The following ECHDC2 variants were observed in gnomAD, a reference collection of about 807,000 sequenced individuals.
The protein encoded by ECHDC2 is enoyl-CoA hydratase domain-containing protein 2, mitochondrial.
Under a neutral mutation model 40.6 loss-of-function variants are expected in ECHDC2, and 34 were observed. The observed-to-expected ratio is 0.84, with a 90% CI of 0.64 to 1.11. The LOEUF is 1.11. Among genes scored for constraint, ECHDC2 ranks in the 50% most tolerant of loss-of-function variants. The probability of loss-of-function intolerance (pLI) is 0.00; values close to 1 mark genes in which losing one functional copy is unlikely to be tolerated. For synonymous variants in ECHDC2, 162 were observed against 166.6 expected (o/e 0.97, Z 0.21); for missense variants, 392 against 400.7 (o/e 0.98, Z 0.19).
intron 5 of ECHDC2, 200 bp downstream of exon 5, chr1:52,906,319 C>G: frequency 1.5e-6 from 1 of 676,682 alleles, no homozygotes; most frequent in Non-Finnish European, 2.7e-6. Flanking sequence ...TGACAGGTCA[C>G]AGATACTACA....
chr1:52,909,540 A>G (rs1648870289), intron 3 of ECHDC2, among the ~76,000 whole-genome samples: 1 of 150,614 alleles, frequency 6.6e-6, no homozygotes, highest in Admixed American at 6.6e-5. Flanking sequence ...AAAAAAAAAA[A>G]CACCACACAA....
chr1:52,921,367 A>G (rs904867247), intron 1 of ECHDC2, 186 bp downstream of exon 1: 2 of 1,340,926 alleles, frequency 1.5e-6, no homozygotes, highest in Non-Finnish European at 1.9e-6. Flanking sequence ...GCCCCCAGCT[A>G]GAGTCTGGAG....
intron 7 of ECHDC2, chr1:52,900,478 T>C (rs1297538134): frequency 6.6e-6 from 1 of 152,248 alleles, no homozygotes; most frequent in East Asian, 1.9e-4. Flanking sequence ...ATATTTAAAT[T>C]TTGTTTTTAA....
rs1478630602 is a variant in ECHDC2, at chr1:52,896,265, A to G, written c.*255T>C. The G allele has an allele frequency of 1.2e-5, 6 of 491,988 alleles. No individual in the cohort carries two copies. Among genetic ancestry groups the G allele is most frequent in the Non-Finnish European group, 2.2e-5 (6 of 269,204 alleles). The allele number at this position is 491,988 out of a possible 1,614,324, so 30.5% of individuals were successfully genotyped here. ...AATTCTTTATCATTCAAGTAGAGAG[A>G]CAGGCATTTTCCAAAGCAAACCCAA... On this transcript the variant is annotated 3_prime_UTR_variant, in exon 10 of 10. Coordinates refer to ENST00000371522, the MANE Select transcript of ECHDC2 (RefSeq NM_001198961.2).
rs1031671898 is a variant in ECHDC2, at chr1:52,908,014, G to A, written c.278-60C>T. On this transcript the variant is annotated intron_variant, in intron 3 of 9. Transcript: ENST00000371522. ...AAAATGGCACTTTACGGAATCCCAG[G>A]CGGTTAAAGGATCCAGCAAAGAAGA... 3.9e-6 allele frequency: 6 copies of A among 1,520,010 alleles called. No individual in the cohort carries two copies. The African/African-American group carries it at 4.1e-5, about 10-fold the overall frequency. The allele number at this position is 1,520,010 out of a possible 1,614,324, so 94.2% of individuals were successfully genotyped here. A position where few individuals can be genotyped will look rare whatever the true frequency, so the allele number is the denominator to read the frequency against.
Position 52,914,340 on chromosome 1 carries a change from G to A in ECHDC2, c.122-2550C>T, listed in dbSNP as rs556799393. Among the ~76,000 whole-genome samples the A allele has an allele frequency of 4.6e-5, 7 of 152,302 alleles. No homozygotes were observed. The South Asian group carries it at 1.0e-3, about 23-fold the overall frequency. On this transcript the variant is annotated intron_variant, in intron 1 of 9. Coordinates refer to ENST00000371522, the MANE Select transcript of ECHDC2 (RefSeq NM_001198961.2). The surrounding 1 kb of genome is among the most constrained non-coding windows in gnomAD (Gnocchi z 4.0). ...TGCATGCATGGGTGCATATGTGAGCGTGTGCATGAGTGCCTGTGTGTGTGC... is the reference window on the plus strand; with the variant it reads ...TGCATGCATGGGTGCATATGTGAGCATGTGCATGAGTGCCTGTGTGTGTGC...
At chr1:52,921,311 G>A (rs1225484694) in intron 1 of ECHDC2, 2 of 839,056 alleles carry the variant, frequency 2.4e-6, no homozygotes, top group East Asian at 6.7e-5. Context: ...ACAGTCGGAA[G>A]ACCCCAAAGG....
chr1:52,907,544 TC>T, intron 4 of ECHDC2: 1 of 292,122 alleles, frequency 3.4e-6, no homozygotes, highest in Non-Finnish European at 6.3e-6. Context: ...AAGTAAAAGT[TC>T]AAGTAACCAA....
At chr1:52,921,452 A>G in intron 1 of ECHDC2, 101 bp downstream of exon 1, 1 of 1,459,744 alleles carries the variant, frequency 6.9e-7, no homozygotes, top group Non-Finnish European at 9.0e-7. Context: ...GGGACTGGGG[A>G]TCGAATCCTT....
In ECHDC2 at chr1:52,899,228, G is replaced by A. The variant is rs1646833230; in HGVS notation, c.703-4C>T. On this transcript the variant is annotated splice_polypyrimidine_tract_variant and splice_region_variant and intron_variant, in intron 7 of 9. Transcript: ENST00000371522. ...CCAGCCGCACGGCAATGGGGGCCTA[G>A]GGAAAAGCAAAAAGTCTTGGTTGAG... 1 of 1,611,020 alleles carries A rather than the reference G, an allele frequency of 6.2e-7. No individual in the cohort carries two copies. The highest frequency in any genetic ancestry group is 1.4e-5 in the African/African-American group (1 of 72,560).
At position 52,896,219 on chromosome 1, in the gene ECHDC2, A is replaced by T; in HGVS notation, c.*301T>A. The T allele has an allele frequency of 3.0e-6, 1 of 338,526 alleles. No individual in the cohort carries two copies. The highest frequency in any genetic ancestry group is 5.7e-6 in the Non-Finnish European group (1 of 175,012). 21.0% of individuals were successfully genotyped at this position (338,526 alleles called of 1,614,324 possible). A position where few individuals can be genotyped will look rare whatever the true frequency, so the allele number is the denominator to read the frequency against. On this transcript the variant is annotated 3_prime_UTR_variant, in exon 10 of 10. Transcript: ENST00000371522. The stretch of plus-strand genomic sequence containing the variant: ...CAGGGGCTGAGAGCCAATGATACCA[A>T]GACTCAGAGAGATCTAATTTAATTC...
rs528136523 is a variant in ECHDC2 at position 52,912,049 on chromosome 1, A to G, written c.122-259T>C. The G allele has an allele frequency of 6.7e-5, 93 of 1,397,416 alleles. No homozygotes were observed. The South Asian group carries it at 1.4e-3, about 20-fold the overall frequency. The allele number at this position is 1,397,416 out of a possible 1,614,324, so 86.6% of individuals were successfully genotyped here. Reference sequence around the variant, plus strand: ...GTGAAGCAAAATGGGGAGAGGAACAACAGTGACTACCACAGTAGCCCTTGC... The same window carrying G: ...GTGAAGCAAAATGGGGAGAGGAACAGCAGTGACTACCACAGTAGCCCTTGC... On this transcript the variant is annotated intron_variant, in intron 1 of 9. Coordinates refer to ENST00000371522, the MANE Select transcript of ECHDC2 (RefSeq NM_001198961.2).
intron 1 of ECHDC2, chr1:52,913,871 G>A (rs1310941609): frequency 7.4e-6 from 8 of 1,078,218 alleles, no homozygotes; most frequent in East Asian, 6.9e-5. Flanking sequence ...GGCTTTGGCA[G>A]GCCCCCATTC....
At chr1:52,903,587 G>T (rs560751719) in intron 7 of ECHDC2, among the ~76,000 whole-genome samples, 54 of 151,566 alleles carry the variant, frequency 3.6e-4, no homozygotes, top group African/African-American at 1.3e-3. Flanking sequence ...TTACAGGCTC[G>T]AACTACCACA....
intron 7 of ECHDC2, among the ~76,000 whole-genome samples, chr1:52,903,848 CT>C (rs1427438046): frequency 2.1e-5 from 3 of 144,256 alleles, no homozygotes; most frequent in Non-Finnish European, 4.5e-5. Flanking sequence ...GAGATGAAGT[CT>C]CGTCCTGTCG....
chr1:52,920,663 CT>C, intron 1 of ECHDC2: 1 of 706,170 alleles, frequency 1.4e-6, no homozygotes, highest in Non-Finnish European at 2.5e-6. Context: ...TCTCTATTCC[CT>C]GCCATAACAT....
chr1:52,903,856 G>T (rs1355579463), intron 7 of ECHDC2, among the ~76,000 whole-genome samples: 1 of 142,376 alleles, frequency 7.0e-6, no homozygotes, highest in African/African-American at 2.7e-5. Context: ...GTCTCGTCCT[G>T]TCGCCCAGTG....
chr1:52,917,270 T>C (rs1650919738), intron 1 of ECHDC2, among the ~76,000 whole-genome samples: 1 of 149,446 alleles, frequency 6.7e-6, no homozygotes, highest in African/African-American at 2.5e-5. Flanking sequence ...GGAGAACAAC[T>C]GATTTAACAA....
chr1:52,910,957 G>A (rs1423335789), intron 3 of ECHDC2, among the ~76,000 whole-genome samples: 1 of 152,166 alleles, frequency 6.6e-6, no homozygotes, highest in Non-Finnish European at 1.5e-5. Context: ...GGAAATCTTT[G>A]ATCAGTTCCA....
Sources: allele counts gnomAD v4.1 joint callset (sites outside exome capture counted in the v4.1 genomes callset), GRCh38; gene constraint gnomAD v4.1.1; non-coding constraint Gnocchi (gnomAD v3.1); transcripts MANE v1.5; gene names NCBI Gene and HGNC (gene_info 2026-07-23, HGNC 2026-07-21).